The following MTBP variants were observed in gnomAD, a reference collection of about 807,000 sequenced individuals.
The protein encoded by MTBP is MDM2 binding protein, also known as mdm2-binding protein.
A neutral mutation model predicts 117.0 loss-of-function variants in MTBP; 101 were observed. The observed-to-expected ratio is 0.86, with a 90% CI of 0.73 to 1.02. MTBP has a LOEUF of 1.02. Ranked by LOEUF, MTBP falls within the 50% of genes least tolerant of loss-of-function variation. The pLI is 0.00. For synonymous variants in MTBP, 350 were observed against 351.5 expected, an observed-to-expected ratio of 1.00 and a Z score of 0.05; for missense variants, 970 against 1,030.9, an observed-to-expected ratio of 0.94 and a Z score of 0.81.
At chr8:120,461,393 G>T in intron 9 of MTBP, 138 bp downstream of exon 9, 1 of 598,802 alleles carries the variant, frequency 1.7e-6, no homozygotes, top group Non-Finnish European at 2.8e-6. Flanking sequence ...GTTCAAGTAG[G>T]CTGCTGGACT....
chr8:120,469,147 G>A (rs1813763377), intron 10 of MTBP, among the ~76,000 whole-genome samples: 1 of 152,192 alleles, frequency 6.6e-6, no homozygotes, highest in East Asian at 1.9e-4. Flanking sequence ...CCAGGTTCAA[G>A]CAATTCTCCT....
chr8:120,451,823 TCTGC>T (rs1338964353), intron 4 of MTBP: 2 of 153,258 alleles, frequency 1.3e-5, no homozygotes, highest in Non-Finnish European at 2.9e-5. Context: ...GCTCAAGCAA[TCTGC>T]CTGCCTTGGC....
intron 7 of MTBP, among the ~76,000 whole-genome samples, chr8:120,458,496 A>T (rs918317144): frequency 2.0e-5 from 3 of 152,150 alleles, no homozygotes; most frequent in African/African-American, 7.2e-5. Flanking sequence ...CTTATCAGCA[A>T]CATTTATCAA....
chr8:120,480,429 T>C (rs1365565077), intron 11 of MTBP, among the ~76,000 whole-genome samples: 1 of 151,390 alleles, frequency 6.6e-6, no homozygotes, highest in Admixed American at 6.6e-5. Context: ...AGAAAAGAAA[T>C]TGACAAACTG....
At chr8:120,494,023 G>A (rs191395804) in intron 13 of MTBP, among the ~76,000 whole-genome samples, 225 of 152,268 alleles carry the variant, frequency 1.5e-3, no homozygotes, top group Non-Finnish European at 2.7e-3. Flanking sequence ...ATTCTTGATT[G>A]TGGAAGGAAT....
chr8:120,509,972 G>A lies in MTBP; in HGVS notation c.1922G>A (p.Gly641Glu). 4 of 1,611,692 alleles carry A rather than the reference G, an allele frequency of 2.5e-6. No homozygotes were observed. The highest frequency in any genetic ancestry group is 3.4e-6 in the Non-Finnish European group (4 of 1,178,780). ...GTTTTGACACCAGAACTTAGTCCTG[G>A]GAAACTTCAGGTCTTACCTTTTGAG... ...TFVLTPELSP[G>E]KLQVLPFEKA... is the part of the protein sequence containing the mutation. Residue 641 changes from glycine to glutamate, a missense_variant, in exon 17 of 22, where the codon GGG becomes GAG. Transcript: ENST00000305949.
intron 20 of MTBP, among the ~76,000 whole-genome samples, chr8:120,519,043 T>C (rs13271429): frequency 0.99 from 150,509 of 151,988 alleles, 74,523 homozygotes; most frequent in East Asian, 1. Flanking sequence ...TTTCCCCTAA[T>C]GTGCATTTGA....
In MTBP at chr8:120,470,861, A is replaced by T. The variant is rs776886567; in HGVS notation, c.1089A>T (p.Ile363=). The change falls in exon 11 of 22, where the codon ATA becomes ATT. Residue 363 remains isoleucine (I), a synonymous_variant. Transcript: ENST00000305949. ...TATTGCCATGTACCATTAGTAACAT[A>T]CTGATTCCACCTCCCAACCAACTCA... ...LFVLPCTISN[I]LIPPPNQLSS... 5.0e-6 allele frequency: 8 copies of T among 1,612,508 alleles called. No homozygotes were observed. The highest frequency in any genetic ancestry group is 5.9e-6 in the Non-Finnish European group (7 of 1,178,904).
intron 5 of MTBP, among the ~76,000 whole-genome samples, chr8:120,454,691 G>A (rs560934999): frequency 4.5e-4 from 69 of 152,104 alleles, no homozygotes; most frequent in Admixed American, 7.2e-4. Flanking sequence ...AGTACAAAAA[G>A]CCCCACATAG....
chr8:120,492,868 T>C (rs1814375907), intron 13 of MTBP, among the ~76,000 whole-genome samples: 1 of 152,194 alleles, frequency 6.6e-6, no homozygotes, highest in Admixed American at 6.5e-5. Context: ...TGACTTATAT[T>C]TTACCAAATT....
At position 120,482,544 on chromosome 8, in the gene MTBP, T is replaced by C. The variant is rs1037846165; in HGVS notation, c.1166-5615T>C. ...GTAGCTTTCAAATTGTGTATTTTATTATATAGTAATTGAGAGGAAATGTAT... is the reference window on the plus strand; with the variant it reads ...GTAGCTTTCAAATTGTGTATTTTATCATATAGTAATTGAGAGGAAATGTAT... On this transcript the variant is annotated intron_variant, in intron 11 of 21. Coordinates refer to ENST00000305949, the MANE Select transcript of MTBP (RefSeq NM_022045.5). Among the ~76,000 whole-genome samples the C allele has an allele frequency of 7.2e-5, 11 of 152,198 alleles. No individual in the cohort carries two copies. The East Asian group carries it at 2.1e-3, about 29-fold the overall frequency.
At chr8:120,465,013 C>A (rs1586944545) in intron 10 of MTBP, among the ~76,000 whole-genome samples, 1 of 152,026 alleles carries the variant, frequency 6.6e-6, no homozygotes, top group African/African-American at 2.4e-5. Context: ...AGTCAAGAGA[C>A]CCTAGTTTAG....
At chr8:120,448,110 T>C (rs1813265565) in intron 2 of MTBP, among the ~76,000 whole-genome samples, 4 of 152,074 alleles carry the variant, frequency 2.6e-5, no homozygotes, top group Admixed American at 2.0e-4. Context: ...TTTTTAACTT[T>C]TTGTAGAGAC....
chr8:120,511,177 A>C (rs1310113126), intron 17 of MTBP, among the ~76,000 whole-genome samples: 2 of 152,204 alleles, frequency 1.3e-5, no homozygotes, highest in East Asian at 1.9e-4. Flanking sequence ...GAGGATTATT[A>C]TTCTCCCTTT....
intron 16 of MTBP, among the ~76,000 whole-genome samples, chr8:120,508,158 G>T (rs1390338007): frequency 6.6e-6 from 1 of 152,102 alleles, no homozygotes; most frequent in Non-Finnish European, 1.5e-5. Flanking sequence ...AGTTTTCATG[G>T]TAATAAATCA....
Position 120,463,678 on chromosome 8 carries a change from A to T in MTBP, c.978-14A>T, listed in dbSNP as rs1170796580. On this transcript the variant is annotated splice_polypyrimidine_tract_variant and intron_variant, in intron 9 of 21. Transcript: ENST00000305949. Reference sequence around the variant, plus strand: ...TGGGTACCATTACATCATTTCTTTAACTCCTTAGTACAGAGGATTGACAAA... The same window carrying T: ...TGGGTACCATTACATCATTTCTTTATCTCCTTAGTACAGAGGATTGACAAA... 45 of 1,570,338 alleles carry T rather than the reference A, an allele frequency of 2.9e-5. No homozygotes were observed. The highest frequency in any genetic ancestry group is 1.7e-4 in the Admixed American group (10 of 57,406).
intron 10 of MTBP, among the ~76,000 whole-genome samples, chr8:120,467,982 G>A (rs1396511536): frequency 6.6e-6 from 1 of 152,102 alleles, no homozygotes; most frequent in East Asian, 1.9e-4. Flanking sequence ...AGCTATAACT[G>A]GGACTCAGTC....
chr8:120,455,862 A>G (rs999586397), intron 6 of MTBP, among the ~76,000 whole-genome samples: 14 of 152,216 alleles, frequency 9.2e-5, no homozygotes, highest in African/African-American at 2.9e-4. Context: ...GCTTTTGAAC[A>G]TAGATACACT....
chr8:120,510,254 C>G (rs1814772304), intron 17 of MTBP, among the ~76,000 whole-genome samples: 1 of 152,090 alleles, frequency 6.6e-6, no homozygotes, highest in African/African-American at 2.4e-5. Context: ...TTATTAGTTA[C>G]TATATATTTT....
Sources: gnomAD v4.1 joint callset for allele counts (sites outside exome capture counted in the v4.1 genomes callset) on GRCh38, gnomAD v4.1.1 for gene constraint, MANE v1.5 for transcripts, NCBI Gene and HGNC (gene_info 2026-07-23, HGNC 2026-07-21) for gene names.